Variants in GRM5 observed in about 807,000 individuals in gnomAD.
GRM5 encodes the protein glutamate metabotropic receptor 5, also known as metabotropic glutamate receptor 5.
Under a neutral mutation model 83.1 loss-of-function variants are expected in GRM5, and 19 were observed. The ratio of observed to expected loss-of-function variants is 0.23; its 90% CI spans 0.16 to 0.34. The LOEUF (loss-of-function observed/expected upper bound fraction) is 0.34, where lower values mean the gene tolerates loss of function less well. Among genes scored for constraint, GRM5 ranks in the 10% least tolerant of loss-of-function variants. GRM5 has a pLI of 1.00. For synonymous variants in GRM5, 675 were observed against 633.6 expected (o/e 1.07, Z -0.98); for missense variants, 1,160 against 1,588.3 (o/e 0.73, Z 4.58).
At chr11:88,716,892 C>T (rs1941411687) in intron 3 of GRM5, among the ~76,000 whole-genome samples, 1 of 151,922 alleles carries the variant, frequency 6.6e-6, no homozygotes, top group African/African-American at 2.4e-5. Flanking sequence ...CATAAATTCA[C>T]TCATTTTTTC....
chr11:88,927,230 G>A (rs1194596906), intron 2 of GRM5, among the ~76,000 whole-genome samples: 4 of 124,436 alleles, frequency 3.2e-5, no homozygotes, highest in South Asian at 3.3e-4. Context: ...GCCTTATTTC[G>A]ATTCTTCTAG....
intron 2 of GRM5, among the ~76,000 whole-genome samples, chr11:89,044,735 T>C (rs1450109232): frequency 5.9e-5 from 9 of 151,854 alleles, no homozygotes; most frequent in Non-Finnish European, 8.8e-5. Context: ...GGATTAATTC[T>C]CCTAATGCTA....
At chr11:89,001,341 T>A (rs1371681362) in intron 2 of GRM5, among the ~76,000 whole-genome samples, 2 of 152,236 alleles carry the variant, frequency 1.3e-5, no homozygotes, top group East Asian at 3.9e-4. Context: ...AATTGGTCAA[T>A]GTTTAAACTT....
At chr11:88,645,789 A>G (rs1297605132) in intron 4 of GRM5, among the ~76,000 whole-genome samples, 1 of 152,134 alleles carries the variant, frequency 6.6e-6, no homozygotes, top group African/African-American at 2.4e-5. Context: ...AGTAGAACAG[A>G]GATGTGAATT....
At chr11:88,725,335 A>G (rs1941651339) in intron 3 of GRM5, among the ~76,000 whole-genome samples, 1 of 152,120 alleles carries the variant, frequency 6.6e-6, no homozygotes, top group South Asian at 2.1e-4. Context: ...GCCTCTCTAG[A>G]TTACTCCTCA....
chr11:88,997,320 T>A, intron 2 of GRM5, among the ~76,000 whole-genome samples: 1 of 123,912 alleles, frequency 8.1e-6, no homozygotes, highest in Non-Finnish European at 1.6e-5. Context: ...AGAGTGAAAC[T>A]CTGTCTCAAA....
At chr11:88,850,188 T>C (rs1380132522) in intron 2 of GRM5, 33 bp from the exon 3 acceptor site, 18 of 938,920 alleles carry the variant, frequency 1.9e-5, no homozygotes, top group Non-Finnish European at 3.1e-5. Flanking sequence ...AGAGGGATAG[T>C]GAAATGAGAG....
At chr11:88,628,853 C>G (rs1208631627) in intron 4 of GRM5, among the ~76,000 whole-genome samples, 1 of 152,116 alleles carries the variant, frequency 6.6e-6, no homozygotes, top group Non-Finnish European at 1.5e-5. Context: ...GAGAGCCAAG[C>G]TCTTTCTAAC....
chr11:88,895,228 G>GA (rs1304489333), intron 2 of GRM5, among the ~76,000 whole-genome samples: 1 of 151,904 alleles, frequency 6.6e-6, no homozygotes, highest in African/African-American at 2.4e-5. Context: ...TTGGATGGGG[G>GA]AAAGTGATTT....
At chr11:88,742,469 C>T (rs1425715494) in intron 3 of GRM5, among the ~76,000 whole-genome samples, 1 of 152,012 alleles carries the variant, frequency 6.6e-6, no homozygotes, top group African/African-American at 2.4e-5. Context: ...ATCTGGGATC[C>T]AAATTTCTAA....
chr11:88,548,965 G>A (rs879300170), intron 8 of GRM5, among the ~76,000 whole-genome samples: 10 of 152,150 alleles, frequency 6.6e-5, no homozygotes, highest in Non-Finnish European at 8.8e-5. Flanking sequence ...GAAATTTACA[G>A]TCAAGCACAG....
chr11:88,568,398 G>T (rs1488541904), intron 7 of GRM5, among the ~76,000 whole-genome samples: 1 of 152,132 alleles, frequency 6.6e-6, no homozygotes, highest in African/African-American at 2.4e-5. Context: ...GTTTGATGGA[G>T]TTGGGGATTT....
At chr11:88,547,566 C>T (rs1942412974) in intron 8 of GRM5, among the ~76,000 whole-genome samples, 1 of 152,168 alleles carries the variant, frequency 6.6e-6, no homozygotes, top group Admixed American at 6.6e-5. Context: ...GTACTCAAGG[C>T]TATCTCCTCT....
At chr11:88,873,851 G>A (rs1590929524) in intron 2 of GRM5, among the ~76,000 whole-genome samples, 7 of 151,592 alleles carry the variant, frequency 4.6e-5, no homozygotes, top group African/African-American at 1.7e-4. Context: ...ACAGAGTGAA[G>A]AAATAATAAA....
intron 3 of GRM5, among the ~76,000 whole-genome samples, chr11:88,790,079 G>A (rs1175243253): frequency 3.3e-5 from 5 of 152,082 alleles, no homozygotes; most frequent in Admixed American, 3.3e-4. Context: ...GGCCAGGCTG[G>A]CCTTCAATTC....
chr11:88,586,920 A>G (rs1206377419), intron 7 of GRM5, among the ~76,000 whole-genome samples: 1 of 151,856 alleles, frequency 6.6e-6, no homozygotes, highest in Non-Finnish European at 1.5e-5. Context: ...TAAATTCCAA[A>G]CTCGTTAAAG....
At chr11:89,065,619 C>T (rs1942084784) in intron 1 of GRM5, among the ~76,000 whole-genome samples, 157 bp downstream of exon 1, 1 of 152,178 alleles carries the variant, frequency 6.6e-6, no homozygotes, top group South Asian at 2.1e-4. Context: ...TCTACCAGCC[C>T]TCCACCTGCC....
intron 4 of GRM5, among the ~76,000 whole-genome samples, chr11:88,615,649 TAAAA>T (rs58256186): frequency 1.7e-5 from 2 of 119,742 alleles, no homozygotes; most frequent in Admixed American, 8.6e-5. Flanking sequence ...ATTAAGAAAC[TAAAA>T]AAAAAAAAAA....
intron 1 of GRM5, among the ~76,000 whole-genome samples, chr11:89,061,093 C>A (rs1246887574): frequency 1.3e-5 from 2 of 152,098 alleles, no homozygotes; most frequent in East Asian, 1.9e-4. Context: ...ATATGTATAT[C>A]AACATATATA....
Sources: allele counts gnomAD v4.1 joint callset (sites outside exome capture counted in the v4.1 genomes callset), GRCh38; gene constraint gnomAD v4.1.1; transcripts MANE v1.5; gene names NCBI Gene and HGNC (gene_info 2026-07-23, HGNC 2026-07-21).